The following ESRP1 variants were observed in gnomAD, a reference collection of about 807,000 sequenced individuals.
ESRP1 encodes RNA-binding motif protein 35A.
In ESRP1, 33 loss-of-function variants were observed where a neutral mutation model predicts 81.7. The ratio of observed to expected loss-of-function variants is 0.40; its 90% CI spans 0.31 to 0.54. The LOEUF is 0.54. Among genes scored for constraint, ESRP1 ranks in the 20% least tolerant of loss-of-function variants. ESRP1 has a pLI of 0.41. For missense variants in ESRP1, 672 were observed against 833.1 expected (o/e 0.81, Z 2.38); for synonymous variants, 320 against 303.3 (o/e 1.06, Z -0.57).
chr8:94,668,363 G>A, intron 10 of ESRP1, 113 bp downstream of exon 10: 1 of 1,014,950 alleles, frequency 9.9e-7, no homozygotes, highest in Non-Finnish European at 1.4e-6. Flanking sequence ...AATACTAAAA[G>A]TGTAACTGCA....
At chr8:94,689,389 CTAT>C (rs1809283646) in intron 13 of ESRP1, among the ~76,000 whole-genome samples, 1 of 150,670 alleles carries the variant, frequency 6.6e-6, no homozygotes, top group African/African-American at 2.4e-5. Context: ...TTCTCTAAGT[CTAT>C]TATTTTTGAT....
chr8:94,673,388 A>T (rs1426002820), intron 11 of ESRP1, among the ~76,000 whole-genome samples: 1 of 152,202 alleles, frequency 6.6e-6, no homozygotes, highest in East Asian at 1.9e-4. Flanking sequence ...TTAGGTTTCC[A>T]TCTTGGACTG....
Position 94,690,428 on chromosome 8 carries a change from C to T in ESRP1, c.1821-2249C>T, listed in dbSNP as rs557574212. Among the ~76,000 whole-genome samples, 21 of 151,816 alleles carry T rather than the reference C, an allele frequency of 1.4e-4. 1 individual carries two copies. In the South Asian group the frequency reaches 1.5e-3, roughly 11 times the overall value. ...GATCACAGGTATGAGCCACTGCACC[C>T]GGCCTAGAATTTAGGTTGATGAAAA... On this transcript the variant is annotated intron_variant, in intron 13 of 15. Coordinates refer to ENST00000433389, the MANE Select transcript of ESRP1 (RefSeq NM_017697.4).
At chr8:94,643,162 C>A (rs1318683553) in intron 2 of ESRP1, 141 bp from the exon 3 acceptor site, 1 of 490,808 alleles carries the variant, frequency 2.0e-6, no homozygotes, top group Non-Finnish European at 3.7e-6. Flanking sequence ...GGAAAGGAGT[C>A]TGTCCAAGGT....
intron 13 of ESRP1, among the ~76,000 whole-genome samples, chr8:94,681,865 C>T (rs767085701): frequency 1.3e-5 from 2 of 151,820 alleles, no homozygotes; most frequent in Non-Finnish European, 2.9e-5. Flanking sequence ...ACCTGGGAGG[C>T]GGTGGTTGCA....
chr8:94,690,743 G>T (rs1186431792), intron 13 of ESRP1, among the ~76,000 whole-genome samples: 1 of 152,154 alleles, frequency 6.6e-6, no homozygotes, highest in East Asian at 1.9e-4. Flanking sequence ...TAGGCAAGTG[G>T]AATAGAATAT....
intron 2 of ESRP1, among the ~76,000 whole-genome samples, chr8:94,642,413 C>T (rs1189806296): frequency 1.3e-5 from 2 of 152,240 alleles, no homozygotes; most frequent in African/African-American, 2.4e-5. Context: ...ATCTCCAGGT[C>T]CAGACCCCAG....
At chr8:94,648,490 C>A (rs1369246047) in intron 4 of ESRP1, among the ~76,000 whole-genome samples, 1 of 152,238 alleles carries the variant, frequency 6.6e-6, no homozygotes, top group Non-Finnish European at 1.5e-5. Context: ...ATCTGAATAT[C>A]AACTTGTGCT....
At chr8:94,699,166 A>G (rs1809717058) in intron 15 of ESRP1, among the ~76,000 whole-genome samples, 1 of 152,172 alleles carries the variant, frequency 6.6e-6, no homozygotes, top group Admixed American at 6.5e-5. Flanking sequence ...TTGACATTAC[A>G]CCAGAAATGT....
chr8:94,674,493 A>G lies in ESRP1; in HGVS notation c.1638A>G (p.Pro546=), dbSNP rs761471601. 6.2e-7 allele frequency: 1 copy of G among 1,612,784 alleles called. No homozygotes were observed. The highest frequency in any genetic ancestry group is 8.5e-7 in the Non-Finnish European group (1 of 1,179,324). The change falls in exon 12 of 16, where the codon CCA becomes CCG. Residue 546 remains proline (P), a synonymous_variant. Transcript: ENST00000433389. Reference sequence around the variant, plus strand: ...ATCGAAATGGCTTATCCCCACCGCCATGTAAGTTACCATGTAAGTTTTTCT... The same window carrying G: ...ATCGAAATGGCTTATCCCCACCGCCGTGTAAGTTACCATGTAAGTTTTTCT... ...TLNRNGLSPP[P]CKLPCLSPPS...
intron 13 of ESRP1, among the ~76,000 whole-genome samples, chr8:94,686,493 G>C (rs1387654632): frequency 6.6e-6 from 1 of 152,050 alleles, no homozygotes; most frequent in African/African-American, 2.4e-5. Context: ...CATCCCTTCA[G>C]CTCTTTGTTC....
At chr8:94,664,637 T>A in intron 6 of ESRP1, 60 bp from the exon 7 acceptor site, 1 of 1,195,986 alleles carries the variant, frequency 8.4e-7, no homozygotes, top group Non-Finnish European at 1.2e-6. Context: ...TTGCAGGGGG[T>A]AATAGGTGTC....
chr8:94,642,583 G>A (rs1012202876), intron 2 of ESRP1, among the ~76,000 whole-genome samples: 3 of 152,198 alleles, frequency 2.0e-5, no homozygotes, highest in African/African-American at 7.2e-5. Flanking sequence ...CCCAACGAAA[G>A]GCTCGGTCCG....
chr8:94,641,921 G>T (rs959064579), intron 1 of ESRP1, 35 bp from the exon 2 acceptor site: 1 of 1,609,320 alleles, frequency 6.2e-7, no homozygotes, highest in African/African-American at 1.3e-5. Flanking sequence ...CTCCGAAATT[G>T]GGGGAAACTG....
intron 13 of ESRP1, 137 bp downstream of exon 13, chr8:94,678,508 T>G: frequency 2.1e-5 from 21 of 994,332 alleles, no homozygotes; most frequent in Non-Finnish European, 2.6e-5. Context: ...GTCATATCTC[T>G]GACCAAGAAG....
rs546130776 is a variant in ESRP1, at chr8:94,699,843, C to T, written c.*35+2882C>T. On this transcript the variant is annotated intron_variant, in intron 15 of 15. Transcript: ENST00000433389. ...CATAATAAATACTTCCTTTCATCCT[C>T]TCATACCCTCATGCAATTTTGAACC... Among the ~76,000 whole-genome samples the T allele has an allele frequency of 3.1e-4, 47 of 152,246 alleles. No homozygotes were observed. The South Asian group carries it at 9.1e-3, about 30-fold the overall frequency.
chr8:94,704,916 A>G (rs543536140), intron 15 of ESRP1, among the ~76,000 whole-genome samples: 1 of 151,986 alleles, frequency 6.6e-6, no homozygotes, highest in African/African-American at 2.4e-5. Flanking sequence ...TGTATGGTAT[A>G]TAAGTAAAAT....
At chr8:94,683,449 T>G (rs997550077) in intron 13 of ESRP1, among the ~76,000 whole-genome samples, 3 of 152,208 alleles carry the variant, frequency 2.0e-5, no homozygotes, top group African/African-American at 7.2e-5. Context: ...GAGATTCACA[T>G]GCAGTTGTAA....
At chr8:94,682,898 AT>A (rs1354282049) in intron 13 of ESRP1, among the ~76,000 whole-genome samples, 5 of 68,226 alleles carry the variant, frequency 7.3e-5, no homozygotes, top group African/African-American at 3.3e-4. Context: ...CAATATATTC[AT>A]TATTTTATAT....
Sources: allele counts gnomAD v4.1 joint callset (sites outside exome capture counted in the v4.1 genomes callset), GRCh38; gene constraint gnomAD v4.1.1; transcripts MANE v1.5; gene names NCBI Gene and HGNC (gene_info 2026-07-23, HGNC 2026-07-21).